SLC24A2: variants seen among roughly 807,000 people sequenced by gnomAD.
SLC24A2 encodes solute carrier family 24 member 2.
SLC24A2 carries 36 observed loss-of-function variants against 62.0 expected under a neutral mutation model. The ratio of observed to expected loss-of-function variants is 0.58; its 90% CI spans 0.44 to 0.77. SLC24A2 has a LOEUF of 0.77. Among genes scored for constraint, SLC24A2 ranks in the 30% least tolerant of loss-of-function variants. The pLI, the probability that SLC24A2 is intolerant of heterozygous loss-of-function variation, is 0.00. For missense variants in SLC24A2, 846 were observed against 817.9 expected (o/e 1.03, Z -0.42); for synonymous variants, 358 against 294.0 (o/e 1.22, Z -2.23).
chr9:19,636,282 TTCTC>T (rs1487733027), intron 2 of SLC24A2, among the ~76,000 whole-genome samples: 16 of 73,026 alleles, frequency 2.2e-4, no homozygotes, highest in African/African-American at 8.5e-4. Context: ...TCTTCTCTTC[TTCTC>T]TTCTTTTCTT....
chr9:19,647,848 A>G (rs554692947), intron 2 of SLC24A2, among the ~76,000 whole-genome samples: 1 of 152,376 alleles, frequency 6.6e-6, no homozygotes, highest in African/African-American at 2.4e-5. Context: ...GAAGGCCTGC[A>G]ATAAACAAGG....
chr9:20,157,068 T>C, the SLC24A2 span, among the ~76,000 whole-genome samples: 1 of 151,774 alleles, frequency 6.6e-6, no homozygotes, highest in Admixed American at 6.6e-5. Flanking sequence ...AAGCAATTTA[T>C]TATAATTTGT....
the SLC24A2 span, among the ~76,000 whole-genome samples, chr9:19,837,387 G>A: frequency 1.4e-5 from 2 of 139,460 alleles, no homozygotes; most frequent in South Asian, 4.8e-4. Context: ...GGGAAGTGGA[G>A]CTTGCAGTGA....
the SLC24A2 span, among the ~76,000 whole-genome samples, chr9:20,299,350 T>C: frequency 6.6e-6 from 1 of 152,134 alleles, no homozygotes; most frequent in Non-Finnish European, 1.5e-5. Context: ...CTCGAGCAGG[T>C]GGGAATACAC....
chr9:20,148,704 A>T, the SLC24A2 span, among the ~76,000 whole-genome samples: 3 of 152,066 alleles, frequency 2.0e-5, no homozygotes, highest in Non-Finnish European at 4.4e-5. Context: ...TAACTGGTGT[A>T]TTATTATTTC....
intron 2 of SLC24A2, among the ~76,000 whole-genome samples, chr9:19,657,921 G>A (rs561139768): frequency 6.6e-6 from 1 of 152,154 alleles, no homozygotes; most frequent in African/African-American, 2.4e-5. Context: ...GTAGAGATGA[G>A]GTCTCACTAT....
intron 2 of SLC24A2, among the ~76,000 whole-genome samples, chr9:19,663,905 T>A (rs1260696253): frequency 6.6e-6 from 1 of 152,202 alleles, no homozygotes; most frequent in African/African-American, 2.4e-5. Context: ...CAAAGAGGAA[T>A]TGATTTCCCT....
chr9:20,170,833 G>C, the SLC24A2 span, among the ~76,000 whole-genome samples: 1 of 152,018 alleles, frequency 6.6e-6, no homozygotes, highest in Non-Finnish European at 1.5e-5. Flanking sequence ...CCTTGCTAGA[G>C]ACCTAGTCAT....
chr9:19,781,898 T>G (rs1823030354), intron 2 of SLC24A2, among the ~76,000 whole-genome samples: 1 of 152,218 alleles, frequency 6.6e-6, no homozygotes, highest in Non-Finnish European at 1.5e-5. Flanking sequence ...CTACTTCACT[T>G]TATGAAGAAT....
At chr9:20,269,771 G>A in the SLC24A2 span, among the ~76,000 whole-genome samples, 1 of 152,092 alleles carries the variant, frequency 6.6e-6, no homozygotes, top group East Asian at 1.9e-4. Context: ...TGAGTCATAT[G>A]GCTTCTTTGT....
the SLC24A2 span, among the ~76,000 whole-genome samples, chr9:20,150,939 T>A: frequency 6.6e-6 from 1 of 151,956 alleles, no homozygotes. Flanking sequence ...TTTCCAAATT[T>A]TCTACAGGGA....
intron 2 of SLC24A2, among the ~76,000 whole-genome samples, chr9:19,669,656 C>T (rs1194064413): frequency 6.6e-6 from 1 of 152,124 alleles, no homozygotes; most frequent in Admixed American, 6.6e-5. Context: ...CATTTCTTGG[C>T]CTGTGGCCTC....
At chr9:19,784,957 C>G (rs1823118678) in intron 2 of SLC24A2, among the ~76,000 whole-genome samples, 1 of 151,340 alleles carries the variant, frequency 6.6e-6, no homozygotes, top group African/African-American at 2.4e-5. Context: ...TCTTTCACCC[C>G]CTGCTCAAAT....
chr9:20,268,553 G>A, the SLC24A2 span, among the ~76,000 whole-genome samples: 1 of 152,178 alleles, frequency 6.6e-6, no homozygotes, highest in Non-Finnish European at 1.5e-5. Context: ...ACCATGTGCT[G>A]CTTTGCACCT....
rs561815502 is a variant in SLC24A2, at chr9:19,511,263, C to T, written c.*4890G>A. 4.6e-5 allele frequency: 7 copies of T among 152,092 alleles called. No homozygotes were observed. The highest frequency in any genetic ancestry group is 1.3e-4 in the Admixed American group (2 of 15,266). The allele number at this position is 152,092 out of a possible 1,614,324, so 9.4% of individuals were successfully genotyped here. A position where few individuals can be genotyped will look rare whatever the true frequency, so the allele number is the denominator to read the frequency against. On this transcript the variant is annotated 3_prime_UTR_variant, in exon 11 of 11. Transcript: ENST00000341998. ...TGCTATATATTTAAAAAATATGAAG[C>T]TCTGAGATTAAAAATGAAACGCAAA...
chr9:19,884,991 G>A, the SLC24A2 span, among the ~76,000 whole-genome samples: 2 of 152,294 alleles, frequency 1.3e-5, no homozygotes, highest in East Asian at 1.9e-4. Flanking sequence ...GAGTGGACAA[G>A]GTTGGATGGG....
At chr9:19,616,004 A>G in intron 4 of SLC24A2, among the ~76,000 whole-genome samples, 2 of 138,268 alleles carry the variant, frequency 1.4e-5, no homozygotes, top group South Asian at 4.4e-4. Context: ...GCACACACAC[A>G]CACACACACA....
At chr9:20,172,551 T>C in the SLC24A2 span, among the ~76,000 whole-genome samples, 2 of 152,034 alleles carry the variant, frequency 1.3e-5, no homozygotes, top group South Asian at 2.1e-4. Flanking sequence ...CAAAAGATCA[T>C]TCAAGGCTAC....
the SLC24A2 span, among the ~76,000 whole-genome samples, chr9:20,016,343 A>G: frequency 6.6e-6 from 1 of 152,216 alleles, no homozygotes; most frequent in African/African-American, 2.4e-5. Flanking sequence ...GGCTTAGATT[A>G]GGAAGACATC....
Sources: gnomAD v4.1 joint callset for allele counts (sites outside exome capture counted in the v4.1 genomes callset) on GRCh38, gnomAD v4.1.1 for gene constraint, MANE v1.5 for transcripts, NCBI Gene and HGNC (gene_info 2026-07-23, HGNC 2026-07-21) for gene names.